The following SUPT3H variants were observed in gnomAD, a reference collection of about 807,000 sequenced individuals.
SUPT3H encodes SPT3 homolog, SAGA and STAGA complex component.
A neutral mutation model predicts 44.3 loss-of-function variants in SUPT3H; 44 were observed. The ratio of observed to expected loss-of-function variants is 0.99; its 90% CI spans 0.78 to 1.28. The LOEUF (loss-of-function observed/expected upper bound fraction) is 1.28. SUPT3H is among the 50% of genes most tolerant of loss of function. The pLI is 0.00. For missense variants in SUPT3H, 380 were observed against 387.1 expected (o/e 0.98, Z 0.15); for synonymous variants, 124 against 125.6 (o/e 0.99, Z 0.09).
At chr6:45,081,545 C>T (rs575745253) in intron 3 of SUPT3H, among the ~76,000 whole-genome samples, 1 of 152,178 alleles carries the variant, frequency 6.6e-6, no homozygotes, top group South Asian at 2.1e-4. Context: ...ACCATTATAT[C>T]CCCAGTACCT....
At position 44,829,510 on chromosome 6, in the gene SUPT3H, G is replaced by T; in HGVS notation, c.*306C>A. 4.2e-6 allele frequency: 1 copy of T among 239,802 alleles called. No homozygotes were observed. Among genetic ancestry groups the T allele is most frequent in the Non-Finnish European group, 8.0e-6 (1 of 124,754 alleles). 14.9% of individuals were successfully genotyped at this position (239,802 alleles called of 1,614,324 possible). On this transcript the variant is annotated 3_prime_UTR_variant, in exon 11 of 11. Coordinates refer to ENST00000371459, the MANE Select transcript of SUPT3H (RefSeq NM_003599.4). ...GACGGGGGCAACCACTGCTTTTAAGGTATGTGAGCTGAGGGCAGTAAATCT... is the reference window on the plus strand; with the variant it reads ...GACGGGGGCAACCACTGCTTTTAAGTTATGTGAGCTGAGGGCAGTAAATCT...
chr6:45,221,546 T>C (rs1379438790), intron 2 of SUPT3H, among the ~76,000 whole-genome samples: 1 of 152,042 alleles, frequency 6.6e-6, no homozygotes, highest in Non-Finnish European at 1.5e-5. Flanking sequence ...AGTTATATAC[T>C]CAAAAGTATA....
chr6:45,133,521 G>A (rs959316399), intron 2 of SUPT3H, among the ~76,000 whole-genome samples: 28 of 152,196 alleles, frequency 1.8e-4, no homozygotes, highest in Admixed American at 1.8e-3. Context: ...CAAATCTTCT[G>A]CCATTTCCCC....
In SUPT3H at chr6:45,120,417, T is replaced by TAAAAAAAAAAAAAAAAAAAAAAAAAAAAA. The variant is rs71687494; in HGVS notation, c.102-14412_102-14411insTTTTTTTTTTTTTTTTTTTTTTTTTTTTT. ...CTGGGTAACAGTGTGAGACCTTGTCTAAAAAAAAAAAAAAAAAAAAAAAAG... is the reference window on the plus strand; with the variant it reads ...CTGGGTAACAGTGTGAGACCTTGTCTAAAAAAAAAAAAAAAAAAAAAAAAAAAAAAAAAAAAAAAAAAAAAAAAAAAAAG... On this transcript the variant is annotated intron_variant, in intron 2 of 10. Coordinates refer to ENST00000371459, the MANE Select transcript of SUPT3H (RefSeq NM_003599.4). 2.8e-4 allele frequency among the ~76,000 whole-genome samples: 14 copies of TAAAAAAAAAAAAAAAAAAAAAAAAAAAAA among 50,508 alleles called. 1 individual carries two copies. The highest frequency in any genetic ancestry group is 5.2e-4 in the Admixed American group (2 of 3,872). The allele number at this position is 50,508 out of a possible 152,430, so 33.1% of individuals were successfully genotyped here. A position where few individuals can be genotyped will look rare whatever the true frequency, so the allele number is the denominator to read the frequency against.
chr6:45,304,316 G>C (rs1256411054), intron 2 of SUPT3H, among the ~76,000 whole-genome samples: 1 of 151,918 alleles, frequency 6.6e-6, no homozygotes, highest in Non-Finnish European at 1.5e-5. Context: ...AAATTATAGA[G>C]GTCTAATTTT....
chr6:45,004,511 T>A (rs1168441883), intron 5 of SUPT3H, among the ~76,000 whole-genome samples: 1 of 151,926 alleles, frequency 6.6e-6, no homozygotes, highest in Admixed American at 6.6e-5. Flanking sequence ...TTTTTCTTCA[T>A]TTTTATCATT....
intron 3 of SUPT3H, among the ~76,000 whole-genome samples, chr6:45,064,686 A>G (rs1405252706): frequency 1.5e-5 from 2 of 132,696 alleles, no homozygotes; most frequent in Non-Finnish European, 3.2e-5. Flanking sequence ...CAGACTTTAA[A>G]CCAACAAAGA....
At chr6:45,143,681 A>C (rs947017149) in intron 2 of SUPT3H, among the ~76,000 whole-genome samples, 1 of 152,138 alleles carries the variant, frequency 6.6e-6, no homozygotes, top group African/African-American at 2.4e-5. Flanking sequence ...AGCCAGCAGA[A>C]GAAAATAAAT....
At chr6:45,030,545 T>C (rs1426807427) in intron 3 of SUPT3H, among the ~76,000 whole-genome samples, 1 of 152,176 alleles carries the variant, frequency 6.6e-6, no homozygotes, top group African/African-American at 2.4e-5. Context: ...TAGCCTGATT[T>C]CATTTCACCC....
At chr6:45,255,982 T>C (rs915100035) in intron 2 of SUPT3H, among the ~76,000 whole-genome samples, 1 of 152,036 alleles carries the variant, frequency 6.6e-6, no homozygotes, top group Non-Finnish European at 1.5e-5. Flanking sequence ...CCATCCTGGC[T>C]AACACGGTGA....
chr6:45,306,325 C>T (rs1214199180), intron 2 of SUPT3H, among the ~76,000 whole-genome samples: 1 of 152,204 alleles, frequency 6.6e-6, no homozygotes, highest in Admixed American at 6.5e-5. Context: ...TCACCAAAGA[C>T]CCCAACAACC....
chr6:45,020,403 C>G (rs1005606048), intron 4 of SUPT3H, 143 bp downstream of exon 4: 2 of 587,194 alleles, frequency 3.4e-6, no homozygotes, highest in Non-Finnish European at 5.8e-6. Flanking sequence ...CACATTTTGT[C>G]GTCCAAACCA....
intron 10 of SUPT3H, among the ~76,000 whole-genome samples, chr6:44,852,498 C>G (rs1457118597): frequency 6.6e-6 from 1 of 152,100 alleles, no homozygotes; most frequent in Non-Finnish European, 1.5e-5. Context: ...GGACTTCATC[C>G]TTTGAAAAAT....
At chr6:45,263,291 T>C (rs539611354) in intron 2 of SUPT3H, among the ~76,000 whole-genome samples, 1 of 152,268 alleles carries the variant, frequency 6.6e-6, no homozygotes, top group African/African-American at 2.4e-5. Context: ...CACCATGGAA[T>C]ACCACACAGC....
chr6:44,938,244 T>C (rs1771817968), intron 9 of SUPT3H, among the ~76,000 whole-genome samples: 1 of 152,156 alleles, frequency 6.6e-6, no homozygotes. Context: ...CTTGAGTTGA[T>C]TTTTGTATAT....
intron 10 of SUPT3H, among the ~76,000 whole-genome samples, chr6:44,930,233 T>C (rs1018360464): frequency 1.3e-5 from 2 of 151,796 alleles, no homozygotes; most frequent in African/African-American, 4.8e-5. Context: ...CACACAAAAT[T>C]AGCCAGGCGT....
At chr6:45,185,264 G>A (rs886689527) in intron 2 of SUPT3H, among the ~76,000 whole-genome samples, 1 of 152,144 alleles carries the variant, frequency 6.6e-6, no homozygotes, top group African/African-American at 2.4e-5. Flanking sequence ...TTAGTGGGAC[G>A]CAGGAAAGAG....
chr6:44,853,796 TAA>T (rs1310286504), intron 10 of SUPT3H, among the ~76,000 whole-genome samples: 4 of 151,984 alleles, frequency 2.6e-5, no homozygotes, highest in Non-Finnish European at 4.4e-5. Flanking sequence ...GTGTAGCAAA[TAA>T]AGTTTGCTTT....
chr6:45,276,498 T>A (rs1190916952), intron 2 of SUPT3H, among the ~76,000 whole-genome samples: 1 of 152,168 alleles, frequency 6.6e-6, no homozygotes, highest in Non-Finnish European at 1.5e-5. Context: ...CCTCCCCATA[T>A]CTGTATCTTT....
Sources: allele counts gnomAD v4.1 joint callset (sites outside exome capture counted in the v4.1 genomes callset), GRCh38; gene constraint gnomAD v4.1.1; transcripts MANE v1.5; gene names NCBI Gene and HGNC (gene_info 2026-07-23, HGNC 2026-07-21).